CYB5RL: variants seen among roughly 807,000 people sequenced by gnomAD.
The protein encoded by CYB5RL is cytochrome b5 reductase like, also known as NADH-cytochrome b5 reductase-like.
Under a neutral mutation model 37.5 loss-of-function variants are expected in CYB5RL, and 38 were observed. That is an observed-to-expected ratio of 1.01 (90% CI 0.78 to 1.33). The LOEUF is 1.33. CYB5RL is among the 40% of genes most tolerant of loss of function. The probability of loss-of-function intolerance (pLI) is 0.00; values close to 1 mark genes in which losing one functional copy is unlikely to be tolerated. For missense variants in CYB5RL, 388 were observed against 394.4 expected, an observed-to-expected ratio of 0.98 and a Z score of 0.14; for synonymous variants, 141 against 151.9, an observed-to-expected ratio of 0.93 and a Z score of 0.53.
At chr1:54,192,577 A>G (rs1372824855) in intron 3 of CYB5RL, among the ~76,000 whole-genome samples, 1 of 152,174 alleles carries the variant, frequency 6.6e-6, no homozygotes, top group Non-Finnish European at 1.5e-5. Context: ...ACCATGTGCC[A>G]GGTGCTTTAC....
At chr1:54,197,566 T>C (rs1029402734) in intron 1 of CYB5RL, among the ~76,000 whole-genome samples, 2 of 152,148 alleles carry the variant, frequency 1.3e-5, no homozygotes, top group African/African-American at 4.8e-5. Context: ...TCACAATGGC[T>C]GGCTTGCTGA....
At chr1:54,181,236 C>A (rs2100463541) in intron 6 of CYB5RL, among the ~76,000 whole-genome samples, 1 of 152,268 alleles carries the variant, frequency 6.6e-6, no homozygotes, top group Non-Finnish European at 1.5e-5. Flanking sequence ...AGGGGAGGCT[C>A]CTTTCTTTGT....
At chr1:54,184,086 T>G (rs2100467273) in intron 6 of CYB5RL, 75 bp downstream of exon 6, 1,052 of 1,296,304 alleles carry the variant, frequency 8.1e-4, no homozygotes, top group Non-Finnish European at 1.0e-3. Context: ...AATGGCACAG[T>G]GAGATGCTAT....
intron 4 of CYB5RL, among the ~76,000 whole-genome samples, chr1:54,189,863 C>G (rs1341923319): frequency 6.6e-6 from 1 of 152,200 alleles, no homozygotes; most frequent in African/African-American, 2.4e-5. Context: ...AGTGAGTGCT[C>G]TTCTGGTTTC....
intron 5 of CYB5RL, chr1:54,184,610 A>C: frequency 5.5e-6 from 1 of 180,500 alleles, no homozygotes; most frequent in Non-Finnish European, 1.2e-5. Flanking sequence ...CAGTCTCAGC[A>C]TCAGGGAGAC....
chr1:54,171,527 T>A lies in CYB5RL; in HGVS notation c.*3092A>T, dbSNP rs1659892717. The A allele has an allele frequency of 3.8e-5, 16 of 423,160 alleles. No individual in the cohort carries two copies. Among genetic ancestry groups the A allele is most frequent in the South Asian group, 2.7e-4 (16 of 59,872 alleles). The allele number at this position is 423,160 out of a possible 1,614,324, so 26.2% of individuals were successfully genotyped here. ...ATGGTGAGGGCTGAACTAAAGCCAATGCCGCTTCTGCGACCAAGAATCTGT... is the reference window on the plus strand; with the variant it reads ...ATGGTGAGGGCTGAACTAAAGCCAAAGCCGCTTCTGCGACCAAGAATCTGT... On this transcript the variant is annotated 3_prime_UTR_variant, in exon 8 of 8. Transcript: ENST00000534324.
chr1:54,195,380 G>A, intron 3 of CYB5RL, 39 bp downstream of exon 3: 1 of 1,519,646 alleles, frequency 6.6e-7, no homozygotes. Context: ...CAAGTAGATT[G>A]TTGCCCTGGT....
In CYB5RL at chr1:54,184,196, C is replaced by A. The variant is rs944738784; in HGVS notation, c.505G>T (p.Gly169Ter). The change falls in exon 6 of 8, where the codon GGA becomes TGA. Residue 169 changes from glycine (G) to a stop codon, truncating the protein, a stop_gained. Transcript: ENST00000534324. LOFTEE classifies it high-confidence loss of function. ...WRVGDTAFWR[G>*]PFGDFFYKPN... ...TTATAGAAGAAATCTCCGAAAGGTC[C>A]TCGCCAGAAAGCTGTGTCTCCTACT... 2.5e-6 allele frequency: 4 copies of A among 1,613,608 alleles called. No individual in the cohort carries two copies. Among genetic ancestry groups the A allele is most frequent in the Admixed American group, 3.3e-5 (2 of 59,974 alleles).
chr1:54,180,020 C>T (rs750882283), intron 6 of CYB5RL: 27 of 452,356 alleles, frequency 6.0e-5, no homozygotes, highest in African/African-American at 1.0e-4. Flanking sequence ...CCAAGGTGGG[C>T]GGATCACTTA....
At chr1:54,190,720 C>T (rs866703537) in intron 4 of CYB5RL, 28 bp downstream of exon 4, 2 of 1,551,546 alleles carry the variant, frequency 1.3e-6, no homozygotes, top group Non-Finnish European at 1.7e-6. Flanking sequence ...GGCTGTGAAG[C>T]TTTGGTCCTC....
intron 7 of CYB5RL, among the ~76,000 whole-genome samples, chr1:54,178,751 A>G (rs1287513542): frequency 6.6e-6 from 1 of 152,232 alleles, no homozygotes; most frequent in Non-Finnish European, 1.5e-5. Context: ...CTCCACCTCA[A>G]GGAACATCAC....
intron 6 of CYB5RL, among the ~76,000 whole-genome samples, chr1:54,181,189 C>G (rs905176236): frequency 6.6e-6 from 1 of 152,214 alleles, no homozygotes; most frequent in African/African-American, 2.4e-5. Flanking sequence ...CATCCTAGCT[C>G]GGGCTATCCT....
chr1:54,189,970 G>A (rs1570114904), intron 4 of CYB5RL, among the ~76,000 whole-genome samples: 1 of 152,164 alleles, frequency 6.6e-6, no homozygotes, highest in African/African-American at 2.4e-5. Flanking sequence ...GGTCCTGTGC[G>A]CCTTTCTCTT....
intron 7 of CYB5RL, among the ~76,000 whole-genome samples, chr1:54,176,991 G>T (rs1468994754): frequency 6.6e-6 from 1 of 152,208 alleles, no homozygotes; most frequent in Non-Finnish European, 1.5e-5. Flanking sequence ...CAAAGGCCCA[G>T]AAGCCAGAAA....
At chr1:54,187,281 C>T (rs565075896) in intron 5 of CYB5RL, among the ~76,000 whole-genome samples, 1 of 152,286 alleles carries the variant, frequency 6.6e-6, no homozygotes, top group South Asian at 2.1e-4. Flanking sequence ...TTCTATTTCA[C>T]CCCTCCCAAC....
chr1:54,190,699 T>C (rs769620892), intron 4 of CYB5RL, 49 bp downstream of exon 4: 3 of 1,550,648 alleles, frequency 1.9e-6, no homozygotes, highest in African/African-American at 1.4e-5. Context: ...AGCTAGCAAA[T>C]AGCAAAGCAG....
rs1659939384 is a variant in CYB5RL at position 54,173,386 on chromosome 1, T to G, written c.*1233A>C. 6.6e-6 allele frequency: 1 copy of G among 152,238 alleles called. No individual in the cohort carries two copies. The highest frequency in any genetic ancestry group is 2.1e-4 in the South Asian group (1 of 4,834). The allele number at this position is 152,238 out of a possible 1,614,324, so 9.4% of individuals were successfully genotyped here. On this transcript the variant is annotated 3_prime_UTR_variant, in exon 8 of 8. Transcript: ENST00000534324. Reference sequence around the variant, plus strand: ...TGCTGCTATGCAAAGAACCCTTGCTTCCTGTAGAGCGCAGTTCGAAAATCA... The same window carrying G: ...TGCTGCTATGCAAAGAACCCTTGCTGCCTGTAGAGCGCAGTTCGAAAATCA...
chr1:54,195,338 G>T, intron 3 of CYB5RL, 81 bp downstream of exon 3: 1 of 1,400,686 alleles, frequency 7.1e-7, no homozygotes, highest in Non-Finnish European at 9.4e-7. Flanking sequence ...GTCAGGGAAG[G>T]CTTCCTAGAG....
chr1:54,183,278 T>C (rs1174222010), intron 6 of CYB5RL, among the ~76,000 whole-genome samples: 3 of 152,212 alleles, frequency 2.0e-5, no homozygotes, highest in Non-Finnish European at 4.4e-5. Flanking sequence ...TCTGCTATTA[T>C]AAATAAAGAT....
Sources: allele counts gnomAD v4.1 joint callset (sites outside exome capture counted in the v4.1 genomes callset), GRCh38; gene constraint gnomAD v4.1.1; transcripts MANE v1.5; gene names NCBI Gene and HGNC (gene_info 2026-07-23, HGNC 2026-07-21).